RBMS3: variants seen among roughly 807,000 people sequenced by gnomAD.
The protein encoded by RBMS3 is RNA-binding motif, single-stranded-interacting protein 3.
RBMS3 carries 27 observed loss-of-function variants against 66.8 expected under a neutral mutation model. That is an observed-to-expected ratio of 0.40 (90% CI 0.30 to 0.56). The LOEUF is 0.56. Among genes scored for constraint, RBMS3 ranks in the 20% least tolerant of loss-of-function variants. RBMS3 has a pLI of 0.40. For synonymous variants in RBMS3, 188 were observed against 183.0 expected, an observed-to-expected ratio of 1.03 and a Z score of -0.22; for missense variants, 513 against 549.5, an observed-to-expected ratio of 0.93 and a Z score of 0.66.
intron 6 of RBMS3, among the ~76,000 whole-genome samples, chr3:29,843,833 C>T (rs2058717356): frequency 6.6e-6 from 1 of 152,012 alleles, no homozygotes; most frequent in East Asian, 1.9e-4. Context: ...TCTGTAGTAC[C>T]AGCTACCCGG....
chr3:29,820,326 A>G (rs1371141914), intron 6 of RBMS3, among the ~76,000 whole-genome samples: 2 of 149,970 alleles, frequency 1.3e-5, no homozygotes, highest in Non-Finnish European at 3.0e-5. Flanking sequence ...TTATTTTTGA[A>G]GGTGACAATT....
At chr3:29,734,015 TACACACACACCC>T (rs1220430139) in intron 4 of RBMS3, among the ~76,000 whole-genome samples, 1 of 151,806 alleles carries the variant, frequency 6.6e-6, no homozygotes, top group Non-Finnish European at 1.5e-5. Context: ...TTAGTATGTG[TACACACACACCC>T]ACACACACAC....
intron 1 of RBMS3, among the ~76,000 whole-genome samples, chr3:29,378,961 AGTCTGCT>A (rs1202623131): frequency 6.6e-6 from 1 of 152,226 alleles, no homozygotes; most frequent in Non-Finnish European, 1.5e-5. Context: ...CTTTGAAACA[AGTCTGCT>A]GACTTAACTT....
chr3:29,329,011 G>A (rs563570102), intron 1 of RBMS3, among the ~76,000 whole-genome samples: 1 of 152,210 alleles, frequency 6.6e-6, no homozygotes, highest in South Asian at 2.1e-4. Context: ...TGCATACCTA[G>A]TTATGATTTT....
intron 6 of RBMS3, among the ~76,000 whole-genome samples, chr3:29,824,684 A>T (rs555739126): frequency 6.6e-6 from 1 of 152,348 alleles, no homozygotes; most frequent in African/African-American, 2.4e-5. Flanking sequence ...ACTGATGGTG[A>T]GGGTTATATG....
rs71628524 is a variant in RBMS3 at position 29,524,615 on chromosome 3, A to ATTT, written c.307+36122_307+36124dup. 6.6e-4 allele frequency among the ~76,000 whole-genome samples: 40 copies of ATTT among 60,696 alleles called. 1 individual carries two copies. Among genetic ancestry groups the ATTT allele is most frequent in the Middle Eastern group, 0.013 (1 of 80 alleles). 39.8% of individuals were successfully genotyped at this position (60,696 alleles called of 152,430 possible). A position where few individuals can be genotyped will look rare whatever the true frequency, so the allele number is the denominator to read the frequency against. ...GCCAACTTTTGCATTTTATTTATTTATTTTTTTTAGTAGAGGCAGGGTTTC... is the reference window on the plus strand; with the variant it reads ...GCCAACTTTTGCATTTTATTTATTTATTTTTTTTTTTAGTAGAGGCAGGGTTTC... On this transcript the variant is annotated intron_variant, in intron 3 of 14. Transcript: ENST00000383767.
intron 4 of RBMS3, among the ~76,000 whole-genome samples, chr3:29,655,643 T>G (rs991288634): frequency 6.6e-6 from 1 of 152,200 alleles, no homozygotes; most frequent in Admixed American, 6.5e-5. Flanking sequence ...ATAATGCTAA[T>G]CATGATAATA....
At chr3:29,368,126 T>C (rs987094986) in intron 1 of RBMS3, among the ~76,000 whole-genome samples, 5 of 152,210 alleles carry the variant, frequency 3.3e-5, no homozygotes, top group African/African-American at 1.2e-4. Flanking sequence ...GGGATACTTA[T>C]GTGGCCATCA....
chr3:29,399,231 A>ATG (rs1380153227), intron 1 of RBMS3, among the ~76,000 whole-genome samples: 1 of 152,040 alleles, frequency 6.6e-6, no homozygotes, highest in African/African-American at 2.4e-5. Flanking sequence ...GTATATATAT[A>ATG]TAAGCAAATA....
chr3:29,676,639 G>A (rs2051266860), intron 4 of RBMS3, among the ~76,000 whole-genome samples: 1 of 152,028 alleles, frequency 6.6e-6, no homozygotes, highest in Non-Finnish European at 1.5e-5. Flanking sequence ...TATAATGACT[G>A]TGCAATCCTT....
At chr3:29,490,238 A>C (rs2043491267) in intron 3 of RBMS3, among the ~76,000 whole-genome samples, 1 of 151,968 alleles carries the variant, frequency 6.6e-6, no homozygotes, top group South Asian at 2.1e-4. Context: ...ATGTTATTTC[A>C]GCAAAGGTGT....
In RBMS3 at chr3:30,009,142, G is replaced by GAGTC. The variant is rs928996447; in HGVS notation, c.*5282_*5285dup. On this transcript the variant is annotated 3_prime_UTR_variant, in exon 15 of 15. Coordinates refer to ENST00000383767, the MANE Select transcript of RBMS3 (RefSeq NM_001003793.3). ...CTGCAGGAAGAACCACTAGGCCACT[G>GAGTC]AGTCATACTTGAGCTTTTCTTACTA... 10 of 152,126 alleles carry GAGTC rather than the reference G, an allele frequency of 6.6e-5. No individual in the cohort carries two copies. The highest frequency in any genetic ancestry group is 2.2e-4 in the African/African-American group (9 of 41,430). 9.4% of individuals were successfully genotyped at this position (152,126 alleles called of 1,614,324 possible). A position where few individuals can be genotyped will look rare whatever the true frequency, so the allele number is the denominator to read the frequency against.
intron 4 of RBMS3, among the ~76,000 whole-genome samples, chr3:29,591,468 A>T (rs980773709): frequency 3.9e-5 from 6 of 152,214 alleles, no homozygotes; most frequent in African/African-American, 1.4e-4. Context: ...TCAAATACAT[A>T]TCAAATCCTG....
intron 1 of RBMS3, among the ~76,000 whole-genome samples, chr3:29,305,019 C>T (rs1054930798): frequency 1.3e-5 from 2 of 151,886 alleles, no homozygotes; most frequent in Admixed American, 1.3e-4. Flanking sequence ...ACCTCTCCTC[C>T]TCCTCACTCT....
chr3:29,982,253 T>G (rs1218006032), intron 12 of RBMS3, among the ~76,000 whole-genome samples: 1 of 152,202 alleles, frequency 6.6e-6, no homozygotes, highest in African/African-American at 2.4e-5. Flanking sequence ...TGTGTTTCTG[T>G]GAGATCAGTG....
intron 4 of RBMS3, among the ~76,000 whole-genome samples, chr3:29,632,161 G>C (rs2049306331): frequency 6.6e-6 from 1 of 151,886 alleles, no homozygotes; most frequent in Non-Finnish European, 1.5e-5. Context: ...CATTTGAGTA[G>C]AGAAAAATAC....
At chr3:29,979,271 T>A (rs748699248) in intron 12 of RBMS3, among the ~76,000 whole-genome samples, 2 of 152,234 alleles carry the variant, frequency 1.3e-5, no homozygotes, top group Non-Finnish European at 2.9e-5. Flanking sequence ...TGACTCAGTG[T>A]TGCTCTGAAG....
chr3:29,461,019 T>C (rs2042351186), intron 2 of RBMS3, among the ~76,000 whole-genome samples: 1 of 152,248 alleles, frequency 6.6e-6, no homozygotes, highest in Non-Finnish European at 1.5e-5. Flanking sequence ...ACTGCTCCAG[T>C]CCAAAGTTGA....
chr3:29,779,871 T>A (rs891329349), intron 6 of RBMS3, among the ~76,000 whole-genome samples: 1 of 151,182 alleles, frequency 6.6e-6, no homozygotes, highest in Non-Finnish European at 1.5e-5. Context: ...AGCTTTTTTT[T>A]TTAATTCAAT....
Sources: allele counts gnomAD v4.1 joint callset (sites outside exome capture counted in the v4.1 genomes callset), GRCh38; gene constraint gnomAD v4.1.1; transcripts MANE v1.5; gene names NCBI Gene and HGNC (gene_info 2026-07-23, HGNC 2026-07-21).